MINK1: variants seen among roughly 807,000 people sequenced by gnomAD.
MINK1 encodes misshapen like kinase 1.
MINK1 carries 46 observed loss-of-function variants against 178.4 expected under a neutral mutation model. That is an observed-to-expected ratio of 0.26 (90% confidence interval 0.20 to 0.33). MINK1 has a LOEUF of 0.33. MINK1 is among the 10% of genes least tolerant of loss of function. The pLI is 1.00. For synonymous variants in MINK1, 797 were observed against 709.7 expected (o/e 1.12, Z -1.96); for missense variants, 1,366 against 1,814.9 (o/e 0.75, Z 4.49).
At chr17:4,889,246 G>A (rs1365220231) in intron 12 of MINK1, among the ~76,000 whole-genome samples, 1 of 152,176 alleles carries the variant, frequency 6.6e-6, no homozygotes, top group African/African-American at 2.4e-5. Context: ...ACGGGCACCT[G>A]GTGCCCTCTT....
In MINK1 at chr17:4,889,713, A is replaced by T. The variant is rs1968576825; in HGVS notation, c.1297A>T (p.Met433Leu). 3 of 1,555,622 alleles carry T rather than the reference A, an allele frequency of 1.9e-6. No homozygotes were observed. The highest frequency in any genetic ancestry group is 2.7e-5 in the African/African-American group (2 of 73,372). ...GGAGCAGCAGCGGCGGCTGGAGGAC[A>T]TGCAGGCTCTGCGGCGGGAGGAGGA... ...EKEQQRRLED[M>L]QALRREEERR... Residue 433 changes from methionine (M) to leucine (L), a missense_variant, in exon 13 of 32, where the codon ATG becomes TTG. By Grantham distance (15) the Met-to-Leu change is conservative. Coordinates refer to ENST00000355280, the MANE Select transcript of MINK1 (RefSeq NM_153827.5).
chr17:4,887,868 C>T lies in MINK1; in HGVS notation c.1230+78C>T. 2 of 1,218,600 alleles carry T rather than the reference C, an allele frequency of 1.6e-6. No individual in the cohort carries two copies. The highest frequency in any genetic ancestry group is 2.8e-5 in the East Asian group (1 of 35,502). The allele number at this position is 1,218,600 out of a possible 1,614,324, so 75.5% of individuals were successfully genotyped here. A position where few individuals can be genotyped will look rare whatever the true frequency, so the allele number is the denominator to read the frequency against. Reference sequence around the variant, plus strand: ...CCGGGTCCATTAGGGCCTTGGAGAACAGGTTTTAAAATGCCTTAAATGAAT... The same window carrying T: ...CCGGGTCCATTAGGGCCTTGGAGAATAGGTTTTAAAATGCCTTAAATGAAT... On this transcript the variant is annotated intron_variant, in intron 12 of 31. Transcript: ENST00000355280. This position sits in a 1 kb window ranked among gnomAD's most constrained non-coding sequence, Gnocchi z 7.6.
chr17:4,862,680 G>T (rs1303167590), intron 1 of MINK1, among the ~76,000 whole-genome samples: 1 of 151,440 alleles, frequency 6.6e-6, no homozygotes, highest in Non-Finnish European at 1.5e-5. Flanking sequence ...AAATTAGTTG[G>T]TGTGTGTAAA....
At chr17:4,882,165 G>T (rs1416696853) in intron 4 of MINK1, among the ~76,000 whole-genome samples, 1 of 152,242 alleles carries the variant, frequency 6.6e-6, no homozygotes, top group African/African-American at 2.4e-5. Flanking sequence ...TAGTGGCCGG[G>T]CGCCCCCTTC....
Position 4,896,960 on chromosome 17 carries a change from C to A in MINK1, c.3915+147C>A. On this transcript the variant is annotated intron_variant, in intron 31 of 31. Transcript: ENST00000355280. The surrounding 1 kb of genome is among the most constrained non-coding windows in gnomAD (Gnocchi z 4.6). Reference sequence around the variant, plus strand: ...CTCAGAGGGCAGTCAGCCACTACCACTGCCCTGCGCTCCCTTCAGATTCCG... The same window carrying A: ...CTCAGAGGGCAGTCAGCCACTACCAATGCCCTGCGCTCCCTTCAGATTCCG... 1 of 1,124,700 alleles carries A rather than the reference C, an allele frequency of 8.9e-7. No homozygotes were observed. Among genetic ancestry groups the A allele is most frequent in the East Asian group, 2.6e-5 (1 of 38,350 alleles). The allele number at this position is 1,124,700 out of a possible 1,614,324, so 69.7% of individuals were successfully genotyped here.
intron 15 of MINK1, 124 bp downstream of exon 15, chr17:4,891,248 TAC>T (rs1968783616): frequency 1.7e-6 from 2 of 1,164,968 alleles, no homozygotes; most frequent in Non-Finnish European, 2.4e-6. Flanking sequence ...GAGCCAGGAT[TAC>T]AGAGCACAGG....
At chr17:4,892,327 G>A (rs1421776903) in intron 17 of MINK1, 75 bp from the exon 18 acceptor site, 15 of 1,471,494 alleles carry the variant, frequency 1.0e-5, no homozygotes, top group South Asian at 1.2e-5. Context: ...ACCCGCCTGG[G>A]GGTGGGAAAG....
In MINK1 at chr17:4,895,930, G is replaced by C. The variant is rs1022072945; in HGVS notation, c.3365-73G>C. The C allele has an allele frequency of 1.9e-6, 3 of 1,572,476 alleles. No homozygotes were observed. The East Asian group carries it at 7.0e-5, about 37-fold the overall frequency. Reference sequence around the variant, plus strand: ...CTTGGGGCCTGGGTGGGGCAGTGTAGTGACAGACCACGGGGAGGCGCCCGT... The same window carrying C: ...CTTGGGGCCTGGGTGGGGCAGTGTACTGACAGACCACGGGGAGGCGCCCGT... On this transcript the variant is annotated intron_variant, in intron 27 of 31. Transcript: ENST00000355280. The surrounding 1 kb of genome is among the most constrained non-coding windows in gnomAD (Gnocchi z 4.3).
chr17:4,887,670 ACAGCAGCAGCAGCTGCAG>A lies in MINK1; in HGVS notation c.1124_1141del (p.Leu375_Gln380del), dbSNP rs762282607. 11 of 1,566,608 alleles carry A rather than the reference ACAGCAGCAGCAGCTGCAG, an allele frequency of 7.0e-6. No homozygotes were observed. The highest frequency in any genetic ancestry group is 3.9e-5 in the Admixed American group (2 of 51,854). On this transcript the variant is annotated inframe_deletion, in exon 12 of 32. Coordinates refer to ENST00000355280, the MANE Select transcript of MINK1 (RefSeq NM_153827.5). This position sits in a 1 kb window ranked among gnomAD's most constrained non-coding sequence, Gnocchi z 7.6. The stretch of plus-strand genomic sequence containing the variant: ...ATAAGAGCAACTCAGAGGCTTTAAA[ACAGCAGCAGCAGCTGCAG>A]CAGCAGCAGCAGCGAGACCCCGAGG...
chr17:4,847,029 ATGAACATACC>A, intron 1 of MINK1: 1 of 376,104 alleles, frequency 2.7e-6, no homozygotes, highest in South Asian at 2.0e-5. Flanking sequence ...CAAGTTAACA[ATGAACATACC>A]TGCTACTGCC....
At chr17:4,872,986 G>C (rs139272305) in intron 1 of MINK1, among the ~76,000 whole-genome samples, 1 of 152,228 alleles carries the variant, frequency 6.6e-6, no homozygotes, top group Non-Finnish European at 1.5e-5. Context: ...TCCAGCCCCC[G>C]CTGTCTGCCC....
intron 1 of MINK1, chr17:4,871,181 AT>A (rs148817521): frequency 0.14 from 18,658 of 134,756 alleles, 1,191 homozygotes; most frequent in East Asian, 0.45. Flanking sequence ...GTTTGTTTTA[AT>A]TTTTTTTTTT....
chr17:4,884,586 G>A (rs1300406793), intron 5 of MINK1, 113 bp downstream of exon 5: 1 of 790,252 alleles, frequency 1.3e-6, no homozygotes, highest in Non-Finnish European at 2.1e-6. Context: ...TCTTTAGGGA[G>A]CAGCAGGCCT....
At chr17:4,890,208 A>G in intron 13 of MINK1, 1 of 518,784 alleles carries the variant, frequency 1.9e-6, no homozygotes, top group Non-Finnish European at 2.5e-6. Context: ...CCCACCCCAC[A>G]CCCCGTCCCC....
At chr17:4,847,166 A>T (rs1911167572) in intron 1 of MINK1, 1 of 482,818 alleles carries the variant, frequency 2.1e-6, no homozygotes, top group African/African-American at 1.9e-5. Flanking sequence ...CCTTTGAGGC[A>T]ATGTGATCCA....
chr17:4,873,915 C>T (rs748152039), intron 1 of MINK1, among the ~76,000 whole-genome samples: 3 of 152,066 alleles, frequency 2.0e-5, no homozygotes, highest in Non-Finnish European at 4.4e-5. Context: ...CCATCACGCC[C>T]AACCCTAAGG....
Position 4,833,647 on chromosome 17 carries a change from G to A in MINK1, c.57+7G>A, listed in dbSNP as rs1289253071. 6.7e-7 allele frequency: 1 copy of A among 1,490,874 alleles called. No individual in the cohort carries two copies. The highest frequency in any genetic ancestry group is 8.9e-7 in the Non-Finnish European group (1 of 1,126,638). 92.4% of individuals were successfully genotyped at this position (1,490,874 alleles called of 1,614,324 possible). A position where few individuals can be genotyped will look rare whatever the true frequency, so the allele number is the denominator to read the frequency against. On this transcript the variant is annotated splice_region_variant and intron_variant, in intron 1 of 31. Coordinates refer to ENST00000355280, the MANE Select transcript of MINK1 (RefSeq NM_153827.5). This position sits in a 1 kb window ranked among gnomAD's most constrained non-coding sequence, Gnocchi z 4.8. Reference sequence around the variant, plus strand: ...CGACCTGTCCGCCCTGCGGGTGAGCGCGCCGTCCCCCAGCCTCGCCCTGGT... The same window carrying A: ...CGACCTGTCCGCCCTGCGGGTGAGCACGCCGTCCCCCAGCCTCGCCCTGGT...
chr17:4,888,425 C>G (rs1968427105), intron 12 of MINK1, among the ~76,000 whole-genome samples: 1 of 152,002 alleles, frequency 6.6e-6, no homozygotes, highest in Non-Finnish European at 1.5e-5. Flanking sequence ...ATCGTGAGAT[C>G]AGGAGTTCGA....
Position 4,893,700 on chromosome 17 carries a change from G to C in MINK1, c.2564+103G>C, listed in dbSNP as rs189933150. The C allele has an allele frequency of 7.1e-6, 10 of 1,400,660 alleles. No homozygotes were observed. In the Admixed American group the frequency reaches 1.4e-4, roughly 20 times the overall value. 86.8% of individuals were successfully genotyped at this position (1,400,660 alleles called of 1,614,324 possible). A position where few individuals can be genotyped will look rare whatever the true frequency, so the allele number is the denominator to read the frequency against. On this transcript the variant is annotated intron_variant, in intron 21 of 31. Transcript: ENST00000355280. The stretch of plus-strand genomic sequence containing the variant: ...CTTTGGGGCAAGTCTGAGGGAGAGC[G>C]GCTCCCTTCTCTAGAGAGTGGGGTG...
Sources: gnomAD v4.1 joint callset for allele counts (sites outside exome capture counted in the v4.1 genomes callset) on GRCh38, gnomAD v4.1.1 for gene constraint, Gnocchi (gnomAD v3.1) non-coding constraint, MANE v1.5 for transcripts, NCBI Gene and HGNC (gene_info 2026-07-23, HGNC 2026-07-21) for gene names.